Variants in SLC44A5 observed in about 807,000 individuals in gnomAD.
The protein encoded by SLC44A5 is choline transporter-like protein 5.
A neutral mutation model predicts 101.8 loss-of-function variants in SLC44A5; 57 were observed. That is an observed-to-expected ratio of 0.56 (90% CI 0.45 to 0.70). The LOEUF (loss-of-function observed/expected upper bound fraction) is 0.70. SLC44A5 is among the 30% of genes least tolerant of loss of function. SLC44A5 has a pLI of 0.00. For synonymous variants in SLC44A5, 281 were observed against 290.9 expected (o/e 0.97, Z 0.35); for missense variants, 737 against 853.1 (o/e 0.86, Z 1.70).
intron 2 of SLC44A5, among the ~76,000 whole-genome samples, chr1:75,429,277 C>T (rs1309516655): frequency 6.6e-6 from 1 of 152,186 alleles, no homozygotes; most frequent in East Asian, 1.9e-4. Context: ...GGTAGCAGTA[C>T]TGAATGAATG....
At chr1:75,721,128 C>T in the SLC44A5 span, among the ~76,000 whole-genome samples, 2 of 152,156 alleles carry the variant, frequency 1.3e-5, no homozygotes, top group African/African-American at 4.8e-5. Context: ...GTTAACATCA[C>T]TGAGGTATAA....
chr1:75,484,091 T>C (rs569319702), intron 2 of SLC44A5, among the ~76,000 whole-genome samples: 22 of 152,272 alleles, frequency 1.4e-4, no homozygotes, highest in African/African-American at 5.3e-4. Flanking sequence ...CCAAGCCATA[T>C]CATTCTGTCC....
intron 2 of SLC44A5, among the ~76,000 whole-genome samples, chr1:75,465,814 A>G (rs1666782080): frequency 2.0e-5 from 3 of 152,186 alleles, no homozygotes; most frequent in Non-Finnish European, 4.4e-5. Flanking sequence ...CATGCAAACT[A>G]CCAAGATTGA....
Position 75,218,548 on chromosome 1 carries a change from T to C in SLC44A5, c.1471A>G (p.Lys491Glu). Residue 491 changes from lysine to glutamate, a missense_variant, in exon 17 of 24, where the codon AAA (lysine) becomes GAA (glutamate). Lys to Glu is a moderately conservative substitution (Grantham distance 56). Coordinates refer to ENST00000370859, the MANE Select transcript of SLC44A5 (RefSeq NM_001130058.2). ...GAFATYYWAM[K>E]KPDDIPRYPL... ...TATCGTGGGATGTCATCAGGTTTTT[T>C]CATGGCCCAGTAATAAGTAGCGAAT... 6.2e-7 allele frequency: 1 copy of C among 1,613,854 alleles called. No individual in the cohort carries two copies. Among genetic ancestry groups the C allele is most frequent in the Non-Finnish European group, 8.5e-7 (1 of 1,179,774 alleles).
chr1:75,419,165 C>A (rs1202273699), intron 2 of SLC44A5, among the ~76,000 whole-genome samples: 1 of 151,818 alleles, frequency 6.6e-6, no homozygotes, highest in Admixed American at 6.6e-5. Context: ...TAAGAATCCC[C>A]AAAGCAGGAG....
the SLC44A5 span, among the ~76,000 whole-genome samples, chr1:75,665,622 C>T: frequency 2.6e-5 from 4 of 152,048 alleles, no homozygotes; most frequent in South Asian, 8.3e-4. Context: ...ATTAAAAGAC[C>T]TTCTGCACAG....
chr1:75,541,444 T>A lies in SLC44A5; in HGVS notation c.4A>T (p.Asn2Tyr), dbSNP rs1367531337. 3.7e-6 allele frequency: 6 copies of A among 1,610,324 alleles called. No homozygotes were observed. Among genetic ancestry groups the A allele is most frequent in the Non-Finnish European group, 5.1e-6 (6 of 1,177,368 alleles). The change falls in exon 2 of 24, where the codon AAT (asparagine) becomes TAT (tyrosine). Residue 2 changes from asparagine (N) to tyrosine (Y), a missense_variant. By Grantham distance (143) the Asn-to-Tyr change is moderately radical. This residue lies in a region of SLC44A5 where 665 missense variants were observed against 764.4 expected (regional missense o/e 0.87). Coordinates refer to ENST00000370859, the MANE Select transcript of SLC44A5 (RefSeq NM_001130058.2). The part of the protein sequence containing the change: M[N>Y]DTEKPADTPS... ...TCAAGTAGGTGATTACCTGTGTCAT[T>A]CATTGAGATAAAAGGCTGTCTCTTC...
At chr1:75,483,050 C>G (rs1667961188) in intron 2 of SLC44A5, among the ~76,000 whole-genome samples, 1 of 152,056 alleles carries the variant, frequency 6.6e-6, no homozygotes, top group Non-Finnish European at 1.5e-5. Flanking sequence ...TTAATATTTA[C>G]TGAGCTGCTT....
At chr1:75,276,542 G>A (rs1651939907) in intron 5 of SLC44A5, among the ~76,000 whole-genome samples, 1 of 151,968 alleles carries the variant, frequency 6.6e-6, no homozygotes, top group South Asian at 2.1e-4. Context: ...ATTATTTTGA[G>A]TCCTGACTTT....
At position 75,281,647 on chromosome 1, in the gene SLC44A5, C is replaced by A. The variant is rs1029204776; in HGVS notation, c.176-6605G>T. On this transcript the variant is annotated intron_variant, in intron 5 of 23. Coordinates refer to ENST00000370859, the MANE Select transcript of SLC44A5 (RefSeq NM_001130058.2). The stretch of plus-strand genomic sequence containing the variant: ...TGGGCTGGTGCCAGGCCCCCCCCCC[C>A]CCCCGCTGCATTTAGCCTAGGGACT... 3.9e-4 allele frequency among the ~76,000 whole-genome samples: 44 copies of A among 113,040 alleles called. 1 individual carries two copies. The highest frequency in any genetic ancestry group is 8.4e-4 in the African/African-American group (30 of 35,508). 74.2% of individuals were successfully genotyped at this position (113,040 alleles called of 152,430 possible). A position where few individuals can be genotyped will look rare whatever the true frequency, so the allele number is the denominator to read the frequency against.
At chr1:75,626,545 G>A in the SLC44A5 span, among the ~76,000 whole-genome samples, 1 of 152,108 alleles carries the variant, frequency 6.6e-6, no homozygotes, top group Non-Finnish European at 1.5e-5. Context: ...ACAGAGGGCT[G>A]CAAGAAAATA....
At chr1:75,470,394 C>T (rs543153902) in intron 2 of SLC44A5, among the ~76,000 whole-genome samples, 1 of 152,264 alleles carries the variant, frequency 6.6e-6, no homozygotes, top group East Asian at 1.9e-4. Context: ...TAGGTCCCCA[C>T]GTTTGAAATA....
rs1673123037 is a variant in SLC44A5 at position 75,572,431 on chromosome 1, G to A, written c.-69-30915C>T. Among the ~76,000 whole-genome samples, 6 of 152,308 alleles carry A rather than the reference G, an allele frequency of 3.9e-5. No homozygotes were observed. The South Asian group carries it at 1.2e-3, about 32-fold the overall frequency. ...CTAGAATATTCTCCCCTGAGTGGCA[G>A]AGAAGTCCTATATAAAACCTATTGA... On this transcript the variant is annotated intron_variant, in intron 1 of 23. Coordinates refer to ENST00000370859, the MANE Select transcript of SLC44A5 (RefSeq NM_001130058.2).
intron 5 of SLC44A5, among the ~76,000 whole-genome samples, chr1:75,282,488 T>A (rs536610953): frequency 2.1e-4 from 32 of 152,262 alleles, no homozygotes; most frequent in Admixed American, 3.3e-4. Flanking sequence ...CATAATTGTG[T>A]ATTGAAATAT....
At chr1:75,208,352 T>G (rs1369020320) in intron 23 of SLC44A5, among the ~76,000 whole-genome samples, 3 of 151,874 alleles carry the variant, frequency 2.0e-5, no homozygotes, top group African/African-American at 7.3e-5. Flanking sequence ...AGAGACAGGG[T>G]TTTGCTATGT....
At chr1:75,629,689 T>C in the SLC44A5 span, among the ~76,000 whole-genome samples, 1 of 151,996 alleles carries the variant, frequency 6.6e-6, no homozygotes. Context: ...AAACACATTA[T>C]CAGCAAAAAT....
At chr1:75,504,928 T>C (rs549741454) in intron 2 of SLC44A5, among the ~76,000 whole-genome samples, 3 of 152,292 alleles carry the variant, frequency 2.0e-5, no homozygotes, top group Admixed American at 2.0e-4. Context: ...GTTTGCGTTA[T>C]GAATGATCCC....
chr1:75,652,478 T>C, the SLC44A5 span, among the ~76,000 whole-genome samples: 1 of 152,214 alleles, frequency 6.6e-6, no homozygotes, highest in African/African-American at 2.4e-5. Flanking sequence ...ATCATAAATA[T>C]CAAATTCTGT....
At chr1:75,666,353 A>G in the SLC44A5 span, among the ~76,000 whole-genome samples, 2 of 152,162 alleles carry the variant, frequency 1.3e-5, no homozygotes, top group Non-Finnish European at 2.9e-5. Flanking sequence ...TCCTGGACAC[A>G]TACACCCTCC....
Sources: allele counts gnomAD v4.1 joint callset (sites outside exome capture counted in the v4.1 genomes callset), GRCh38; gene constraint gnomAD v4.1.1; regional missense constraint gnomAD v4.1.1; transcripts MANE v1.5; gene names NCBI Gene and HGNC (gene_info 2026-07-23, HGNC 2026-07-21).